MAD1L1: variants seen among roughly 807,000 people sequenced by gnomAD.
The protein encoded by MAD1L1 is mitotic spindle assembly checkpoint protein MAD1.
A neutral mutation model predicts 96.9 loss-of-function variants in MAD1L1; 95 were observed. The observed-to-expected ratio is 0.98, with a 90% confidence interval of 0.83 to 1.16. The LOEUF is 1.16. Among genes scored for constraint, MAD1L1 ranks in the 50% most tolerant of loss-of-function variants. The pLI is 0.00. For missense variants in MAD1L1, 1,007 were observed against 954.4 expected, an observed-to-expected ratio of 1.06 and a Z score of -0.73; for synonymous variants, 473 against 396.6, an observed-to-expected ratio of 1.19 and a Z score of -2.29.
At chr7:2,068,638 G>A (rs970639338) in intron 12 of MAD1L1, among the ~76,000 whole-genome samples, 7 of 152,144 alleles carry the variant, frequency 4.6e-5, no homozygotes, top group Non-Finnish European at 8.8e-5. Flanking sequence ...AAATTTCAGT[G>A]CCCAAGGAAC....
intron 16 of MAD1L1, among the ~76,000 whole-genome samples, chr7:1,944,179 C>G (rs1554504): frequency 0.99 from 150,282 of 152,302 alleles, 74,173 homozygotes; most frequent in Middle Eastern, 1. Context: ...CACAGAGGCA[C>G]GCAGTAGCCG....
intron 17 of MAD1L1, among the ~76,000 whole-genome samples, chr7:1,922,307 C>CG (rs1788843688): frequency 6.6e-6 from 1 of 152,270 alleles, no homozygotes; most frequent in Admixed American, 6.5e-5. Context: ...TCCCACGCCT[C>CG]GCCTCAGCAG....
intron 3 of MAD1L1, among the ~76,000 whole-genome samples, chr7:2,229,230 C>A (rs1010744765): frequency 3.3e-5 from 5 of 152,088 alleles, no homozygotes; most frequent in Non-Finnish European, 7.4e-5. Flanking sequence ...AGGGTCCAGG[C>A]AGAGGAGCCT....
rs1781772227 is a variant in MAD1L1 at position 1,815,957 on chromosome 7, T to C, written c.*113A>G. On this transcript the variant is annotated 3_prime_UTR_variant, in exon 19 of 19. Coordinates refer to ENST00000265854, the MANE Select transcript of MAD1L1 (RefSeq NM_001013836.2). ...CCAGCGTGTCTGTCAGTCATGCTGC[T>C]GCCCTGTGGGGCTGGAGAGGCAGGA... 1.9e-5 allele frequency: 24 copies of C among 1,260,644 alleles called. No homozygotes were observed. Among genetic ancestry groups the C allele is most frequent in the Non-Finnish European group, 2.5e-5 (23 of 930,784 alleles). 78.1% of individuals were successfully genotyped at this position (1,260,644 alleles called of 1,614,324 possible).
chr7:1,816,459 T>C (rs1396585781), intron 18 of MAD1L1, among the ~76,000 whole-genome samples: 1 of 152,138 alleles, frequency 6.6e-6, no homozygotes, highest in East Asian at 1.9e-4. Context: ...ACCCAGGCAG[T>C]TGGGGGTCCC....
At position 1,871,485 on chromosome 7, in the gene MAD1L1, C is replaced by G. The variant is rs561213686; in HGVS notation, c.1998+26715G>C. Among the ~76,000 whole-genome samples, 291 of 148,830 alleles carry G rather than the reference C, an allele frequency of 2.0e-3. 1 individual carries two copies. Among genetic ancestry groups the G allele is most frequent in the African/African-American group, 7.0e-3 (281 of 40,084 alleles). On this transcript the variant is annotated intron_variant, in intron 18 of 18. Coordinates refer to ENST00000265854, the MANE Select transcript of MAD1L1 (RefSeq NM_001013836.2). ...CAACATATGCCTGCCACGCTGAACC[C>G]AACCTACGCCTGCCACGCTGAACTG...
chr7:2,140,274 A>C (rs1022130475), intron 11 of MAD1L1, among the ~76,000 whole-genome samples: 3 of 152,226 alleles, frequency 2.0e-5, no homozygotes, highest in Admixed American at 2.0e-4. Flanking sequence ...CCCAAACGTA[A>C]AACAGTGACT....
intron 12 of MAD1L1, among the ~76,000 whole-genome samples, chr7:2,034,446 G>C (rs13232276): frequency 1.3e-5 from 2 of 152,110 alleles, no homozygotes; most frequent in African/African-American, 4.8e-5. Context: ...GAACTCCTGA[G>C]CTCAGGCAAT....
intron 18 of MAD1L1, among the ~76,000 whole-genome samples, chr7:1,888,523 CGT>C (rs1467845100): frequency 8.4e-5 from 12 of 143,558 alleles, no homozygotes; most frequent in African/African-American, 2.8e-4. Context: ...TGTGTGCATG[CGT>C]GTGTGGTTGC....
rs572028603 is a variant in MAD1L1 at position 2,003,160 on chromosome 7, G to C, written c.1360-1039C>G. Among the ~76,000 whole-genome samples the C allele has an allele frequency of 6.2e-5, 5 of 80,196 alleles. No individual in the cohort carries two copies. In the South Asian group the frequency reaches 1.9e-3, roughly 30 times the overall value. The allele number at this position is 80,196 out of a possible 152,430, so 52.6% of individuals were successfully genotyped here. A position where few individuals can be genotyped will look rare whatever the true frequency, so the allele number is the denominator to read the frequency against. On this transcript the variant is annotated intron_variant, in intron 13 of 18. Coordinates refer to ENST00000265854, the MANE Select transcript of MAD1L1 (RefSeq NM_001013836.2). The stretch of plus-strand genomic sequence containing the variant: ...GTGGAGGCCCAGCAGGCCTGAGGGT[G>C]AGGGAGAAATCGAGAGGCAGGCAGA...
intron 10 of MAD1L1, among the ~76,000 whole-genome samples, chr7:2,210,315 C>G (rs1435442476): frequency 6.6e-6 from 1 of 152,144 alleles, no homozygotes; most frequent in Non-Finnish European, 1.5e-5. Flanking sequence ...GAGCAATCCC[C>G]CTGCGGCAGC....
intron 18 of MAD1L1, among the ~76,000 whole-genome samples, chr7:1,880,571 C>A (rs1427808810): frequency 6.6e-6 from 1 of 152,220 alleles, no homozygotes; most frequent in African/African-American, 2.4e-5. Flanking sequence ...TCACAGTGGG[C>A]CCTCAATTTG....
intron 18 of MAD1L1, among the ~76,000 whole-genome samples, chr7:1,882,818 C>G (rs1562486437): frequency 1.3e-5 from 2 of 152,242 alleles, no homozygotes; most frequent in Non-Finnish European, 2.9e-5. Flanking sequence ...GACTCTGATC[C>G]TGGGTCGGTG....
chr7:1,887,784 CAT>C (rs1786187270), intron 18 of MAD1L1, among the ~76,000 whole-genome samples: 1 of 129,216 alleles, frequency 7.7e-6, no homozygotes, highest in East Asian at 2.4e-4. Flanking sequence ...TGTGTGTGTG[CAT>C]GTGTGCATGT....
At chr7:1,854,838 C>G (rs547456961) in intron 18 of MAD1L1, among the ~76,000 whole-genome samples, 14 of 152,358 alleles carry the variant, frequency 9.2e-5, no homozygotes, top group Admixed American at 9.1e-4. Flanking sequence ...ACGGACGCTC[C>G]CATTTCAAAA....
intron 3 of MAD1L1, among the ~76,000 whole-genome samples, chr7:2,228,914 T>C (rs1333536996): frequency 6.6e-6 from 1 of 151,994 alleles, no homozygotes; most frequent in African/African-American, 2.4e-5. Context: ...TTTGTATTTT[T>C]AGTAGAGACA....
At chr7:2,213,938 C>T (rs1421173011) in intron 9 of MAD1L1, among the ~76,000 whole-genome samples, 1 of 152,254 alleles carries the variant, frequency 6.6e-6, no homozygotes, top group East Asian at 1.9e-4. Flanking sequence ...CCTCGCTTCA[C>T]CTCCACCCAG....
intron 11 of MAD1L1, among the ~76,000 whole-genome samples, chr7:2,094,540 C>A (rs952289938): frequency 2.6e-5 from 4 of 152,174 alleles, no homozygotes; most frequent in Admixed American, 2.0e-4. Context: ...GCAGGGAAGG[C>A]CCACGAGGAG....
intron 9 of MAD1L1, among the ~76,000 whole-genome samples, chr7:2,215,376 C>CAAA (rs34020959): frequency 4.8e-5 from 4 of 83,322 alleles, no homozygotes; most frequent in Non-Finnish European, 7.3e-5. Context: ...GACTCCATCT[C>CAAA]AAAAAAAAAA....
Sources: gnomAD v4.1 joint callset for allele counts (sites outside exome capture counted in the v4.1 genomes callset) on GRCh38, gnomAD v4.1.1 for gene constraint, MANE v1.5 for transcripts, NCBI Gene and HGNC (gene_info 2026-07-23, HGNC 2026-07-21) for gene names.